The following DIAPH3 variants were observed in gnomAD, a reference collection of about 807,000 sequenced individuals.
DIAPH3 encodes the protein protein diaphanous homolog 3.
Under a neutral mutation model 144.3 loss-of-function variants are expected in DIAPH3, and 117 were observed. The observed-to-expected ratio is 0.81, with a 90% CI of 0.70 to 0.95. DIAPH3 has a LOEUF of 0.95. Among genes scored for constraint, DIAPH3 ranks in the 40% least tolerant of loss-of-function variants. The pLI, the probability that DIAPH3 is intolerant of heterozygous loss-of-function variation, is 0.00. For missense variants in DIAPH3, 1,421 were observed against 1,412.7 expected (o/e 1.01, Z -0.09); for synonymous variants, 519 against 488.9 (o/e 1.06, Z -0.81).
chr13:59,797,621 A>G (rs963532788), intron 25 of DIAPH3, among the ~76,000 whole-genome samples: 1 of 152,234 alleles, frequency 6.6e-6, no homozygotes, highest in African/African-American at 2.4e-5. Context: ...AAACGAATGC[A>G]GACTTCAATA....
At chr13:60,038,875 C>T (rs2055426685) in intron 5 of DIAPH3, among the ~76,000 whole-genome samples, 1 of 151,750 alleles carries the variant, frequency 6.6e-6, no homozygotes, top group African/African-American at 2.4e-5. Context: ...TCTATAAATG[C>T]TGATATCAAT....
intron 27 of DIAPH3, among the ~76,000 whole-genome samples, chr13:59,681,110 A>G (rs7333989): frequency 0.19 from 29,161 of 151,974 alleles, 3,830 homozygotes; most frequent in African/African-American, 0.37. Flanking sequence ...TTATAATGGG[A>G]GGTGTTACTC....
intron 20 of DIAPH3, among the ~76,000 whole-genome samples, chr13:59,895,038 C>CA (rs1388916150): frequency 6.6e-6 from 1 of 152,108 alleles, no homozygotes; most frequent in African/African-American, 2.4e-5. Context: ...CATAAAGCCA[C>CA]AAACTGAGAA....
chr13:60,107,399 G>A (rs141056900), intron 3 of DIAPH3, among the ~76,000 whole-genome samples: 4 of 152,134 alleles, frequency 2.6e-5, no homozygotes, highest in Admixed American at 1.3e-4. Context: ...TATATCCGTG[G>A]TGGTATTTTT....
At chr13:60,096,786 A>T (rs2137938549) in intron 3 of DIAPH3, among the ~76,000 whole-genome samples, 1 of 151,998 alleles carries the variant, frequency 6.6e-6, no homozygotes, top group Non-Finnish European at 1.5e-5. Context: ...CCCCAGTGAC[A>T]CTCTCCCTGG....
intron 1 of DIAPH3, among the ~76,000 whole-genome samples, chr13:60,156,878 G>A (rs1465937059): frequency 1.4e-5 from 2 of 140,100 alleles, no homozygotes; most frequent in African/African-American, 5.4e-5. Flanking sequence ...TAAGTTCCCA[G>A]GTTAACCTAA....
chr13:60,081,211 A>G (rs567511194), intron 4 of DIAPH3, among the ~76,000 whole-genome samples: 33 of 152,130 alleles, frequency 2.2e-4, no homozygotes, highest in Non-Finnish European at 2.5e-4. Context: ...TCAGAAAGGG[A>G]TGCATCCTGC....
At chr13:60,038,782 A>C (rs979005905) in intron 5 of DIAPH3, among the ~76,000 whole-genome samples, 3 of 152,162 alleles carry the variant, frequency 2.0e-5, no homozygotes, top group Non-Finnish European at 4.4e-5. Flanking sequence ...GAGACAAAAA[A>C]TCTTACCCTT....
chr13:59,901,552 A>G (rs2046434245), intron 20 of DIAPH3, among the ~76,000 whole-genome samples: 1 of 152,188 alleles, frequency 6.6e-6, no homozygotes, highest in Admixed American at 6.5e-5. Context: ...CTGATATTAC[A>G]TTATTATTTA....
intron 2 of DIAPH3, among the ~76,000 whole-genome samples, chr13:60,114,597 T>C (rs1305133275): frequency 2.0e-5 from 3 of 150,896 alleles, no homozygotes; most frequent in Non-Finnish European, 4.4e-5. Flanking sequence ...TATAACTCAA[T>C]TCACAGATCC....
intron 25 of DIAPH3, among the ~76,000 whole-genome samples, chr13:59,801,281 A>C (rs2139475625): frequency 1.3e-5 from 2 of 152,302 alleles, no homozygotes; most frequent in East Asian, 3.9e-4. Flanking sequence ...CTTTGCAGTT[A>C]AGTTAAAAAG....
intron 5 of DIAPH3, among the ~76,000 whole-genome samples, chr13:60,036,216 T>C (rs557890599): frequency 2.0e-5 from 3 of 152,298 alleles, no homozygotes; most frequent in Admixed American, 1.3e-4. Flanking sequence ...TTCTTTATAA[T>C]AGTCTCACCA....
chr13:59,718,297 T>C (rs2035163762), intron 27 of DIAPH3, among the ~76,000 whole-genome samples: 1 of 152,342 alleles, frequency 6.6e-6, no homozygotes, highest in African/African-American at 2.4e-5. Context: ...GGAATTACTA[T>C]GGAAAGTTCT....
chr13:60,019,773 T>C (rs895556058), intron 5 of DIAPH3, among the ~76,000 whole-genome samples: 15 of 152,162 alleles, frequency 9.9e-5, no homozygotes, highest in Admixed American at 6.5e-4. Flanking sequence ...GACATGTTGT[T>C]GGCTTTAATA....
intron 5 of DIAPH3, among the ~76,000 whole-genome samples, chr13:60,024,550 A>G (rs922831600): frequency 4.6e-5 from 7 of 151,744 alleles, no homozygotes; most frequent in Non-Finnish European, 1.0e-4. Context: ...TTTTATGATG[A>G]CTGCTTTTTA....
At chr13:59,748,792 A>C (rs1297983552) in intron 27 of DIAPH3, among the ~76,000 whole-genome samples, 1 of 152,206 alleles carries the variant, frequency 6.6e-6, no homozygotes, top group African/African-American at 2.4e-5. Flanking sequence ...TAAGCATTTT[A>C]TATTAGAGGG....
At chr13:60,103,211 A>G (rs2137993819) in intron 3 of DIAPH3, among the ~76,000 whole-genome samples, 1 of 152,178 alleles carries the variant, frequency 6.6e-6, no homozygotes, top group South Asian at 2.1e-4. Flanking sequence ...AACTCGTTGG[A>G]GCACTAAGGC....
intron 19 of DIAPH3, 39 bp downstream of exon 19, chr13:59,916,116 A>AATGAAAT: frequency 6.5e-7 from 1 of 1,531,694 alleles, no homozygotes; most frequent in Non-Finnish European, 9.0e-7. Context: ...AGAAGCTTGC[A>AATGAAAT]ATGAAATATT....
intron 27 of DIAPH3, among the ~76,000 whole-genome samples, chr13:59,761,513 G>A (rs1449269283): frequency 6.6e-6 from 1 of 152,020 alleles, no homozygotes; most frequent in Non-Finnish European, 1.5e-5. Flanking sequence ...AGAATGACAA[G>A]GGAAGAAAAT....
Sources: allele counts gnomAD v4.1 joint callset (sites outside exome capture counted in the v4.1 genomes callset), GRCh38; gene constraint gnomAD v4.1.1; transcripts MANE v1.5; gene names NCBI Gene and HGNC (gene_info 2026-07-23, HGNC 2026-07-21).